The following PRKG1 variants were observed in gnomAD, a reference collection of about 807,000 sequenced individuals.
The protein encoded by PRKG1 is protein kinase cGMP-dependent 1.
In PRKG1, 35 loss-of-function variants were observed where a neutral mutation model predicts 88.1. The observed-to-expected ratio is 0.40, with a 90% CI of 0.30 to 0.53. The LOEUF (loss-of-function observed/expected upper bound fraction) is 0.53. Among genes scored for constraint, PRKG1 ranks in the 20% least tolerant of loss-of-function variants. The probability of loss-of-function intolerance (pLI) is 0.59; values close to 1 mark genes in which losing one functional copy is unlikely to be tolerated. For synonymous variants in PRKG1, 303 were observed against 292.5 expected (o/e 1.04, Z -0.37); for missense variants, 540 against 839.8 (o/e 0.64, Z 4.41).
chr10:51,946,843 A>G (rs1272058884), intron 5 of PRKG1, among the ~76,000 whole-genome samples: 1 of 151,948 alleles, frequency 6.6e-6, no homozygotes, highest in African/African-American at 2.4e-5. Flanking sequence ...AGGAGTACCC[A>G]GCCGTGTGAG....
intron 17 of PRKG1, 83 bp downstream of exon 17, chr10:52,290,373 T>C (rs1317662386): frequency 4.2e-6 from 5 of 1,183,110 alleles, no homozygotes; most frequent in Non-Finnish European, 6.0e-6. Context: ...ATTTTTAAAG[T>C]TTAATCCTAT....
At chr10:51,588,205 C>G (rs1838220354) in intron 3 of PRKG1, among the ~76,000 whole-genome samples, 1 of 152,066 alleles carries the variant, frequency 6.6e-6, no homozygotes, top group South Asian at 2.1e-4. Flanking sequence ...ATTGAGTATA[C>G]AGTGCACATT....
chr10:51,351,280 G>C (rs1842238629), intron 2 of PRKG1, among the ~76,000 whole-genome samples: 1 of 152,178 alleles, frequency 6.6e-6, no homozygotes, highest in Admixed American at 6.5e-5. Context: ...ACCCAGTAAT[G>C]GGATTGCTGG....
intron 2 of PRKG1, among the ~76,000 whole-genome samples, chr10:51,296,993 A>T (rs1023842085): frequency 6.6e-6 from 1 of 152,030 alleles, no homozygotes; most frequent in African/African-American, 2.4e-5. Flanking sequence ...TCCTTTTGGG[A>T]GGATATTCCT....
intron 3 of PRKG1, among the ~76,000 whole-genome samples, chr10:51,703,458 A>G (rs1231386284): frequency 6.6e-6 from 1 of 152,136 alleles, no homozygotes; most frequent in South Asian, 2.1e-4. Flanking sequence ...TTTTCTTTGG[A>G]TATAAACCTT....
intron 2 of PRKG1, among the ~76,000 whole-genome samples, chr10:51,459,727 G>A (rs1197279373): frequency 1.3e-5 from 2 of 152,142 alleles, no homozygotes; most frequent in African/African-American, 2.4e-5. Context: ...TCAAGTATGT[G>A]TGGAGAAAGG....
At chr10:52,293,164 G>C (rs188213090) in intron 17 of PRKG1, among the ~76,000 whole-genome samples, 3,279 of 150,392 alleles carry the variant, frequency 0.022, 49 homozygotes, top group Non-Finnish European at 0.034. Flanking sequence ...ATTCACAATT[G>C]CTTCAAAGAG....
intron 5 of PRKG1, among the ~76,000 whole-genome samples, chr10:52,050,986 A>C (rs1845974894): frequency 2.0e-5 from 3 of 152,172 alleles, no homozygotes; most frequent in African/African-American, 7.2e-5. Context: ...TGCTACTAGC[A>C]TCTAGTTGGA....
intron 4 of PRKG1, among the ~76,000 whole-genome samples, chr10:51,858,379 A>AAT (rs1234442573): frequency 9.0e-5 from 2 of 22,210 alleles, no homozygotes; most frequent in East Asian, 1.1e-3. Flanking sequence ...ATATATATAA[A>AAT]ATATATATAT....
intron 3 of PRKG1, among the ~76,000 whole-genome samples, chr10:51,495,716 G>A (rs1361119539): frequency 2.0e-5 from 3 of 152,146 alleles, no homozygotes; most frequent in Non-Finnish European, 4.4e-5. Flanking sequence ...AAACATTAAT[G>A]CAAGACTTTG....
intron 14 of PRKG1, among the ~76,000 whole-genome samples, chr10:52,285,905 G>GA (rs760129792): frequency 4.6e-4 from 70 of 151,744 alleles, no homozygotes; most frequent in Non-Finnish European, 8.4e-4. Context: ...AATGAAAAAA[G>GA]AAAAAATACA....
intron 3 of PRKG1, among the ~76,000 whole-genome samples, chr10:51,515,435 C>T (rs1266930691): frequency 2.0e-5 from 3 of 152,122 alleles, no homozygotes; most frequent in African/African-American, 7.2e-5. Context: ...TAATATAATT[C>T]ATGGTTGTGT....
chr10:51,247,938 T>C (rs1385450316), intron 2 of PRKG1, among the ~76,000 whole-genome samples: 1 of 151,970 alleles, frequency 6.6e-6, no homozygotes, highest in East Asian at 1.9e-4. Flanking sequence ...AACTCTCTCA[T>C]GTAATCTTCA....
chr10:51,675,630 T>C (rs1365734720), intron 3 of PRKG1, among the ~76,000 whole-genome samples: 2 of 152,220 alleles, frequency 1.3e-5, no homozygotes. Context: ...CTACCCAAAG[T>C]GTTTCCAGTC....
intron 2 of PRKG1, among the ~76,000 whole-genome samples, chr10:51,458,083 G>A (rs181523234): frequency 1.2e-4 from 18 of 152,254 alleles, no homozygotes; most frequent in Non-Finnish European, 5.9e-5. Context: ...TTAAAACAAT[G>A]TGCAGGTAGA....
chr10:52,010,859 C>A (rs1216074642), intron 5 of PRKG1, among the ~76,000 whole-genome samples: 1 of 152,166 alleles, frequency 6.6e-6, no homozygotes, highest in Non-Finnish European at 1.5e-5. Context: ...AATGAGTACT[C>A]CAGAAAGAAA....
intron 3 of PRKG1, among the ~76,000 whole-genome samples, chr10:51,481,406 C>T (rs958607740): frequency 6.6e-6 from 1 of 152,026 alleles, no homozygotes; most frequent in East Asian, 1.9e-4. Flanking sequence ...CACCACCATG[C>T]CCAGCTAATT....
intron 5 of PRKG1, among the ~76,000 whole-genome samples, chr10:51,911,930 A>T (rs556466881): frequency 1.1e-4 from 16 of 152,228 alleles, no homozygotes; most frequent in Non-Finnish European, 2.4e-4. Context: ...ATATTTATGG[A>T]GCACTTGCCA....
intron 3 of PRKG1, among the ~76,000 whole-genome samples, chr10:51,662,382 TA>T (rs1840321761): frequency 6.6e-6 from 1 of 152,138 alleles, no homozygotes; most frequent in Non-Finnish European, 1.5e-5. Context: ...GGATAAAAGA[TA>T]AAAGTAATCC....
Sources: gnomAD v4.1 joint callset for allele counts (sites outside exome capture counted in the v4.1 genomes callset) on GRCh38, gnomAD v4.1.1 for gene constraint, MANE v1.5 for transcripts, NCBI Gene and HGNC (gene_info 2026-07-23, HGNC 2026-07-21) for gene names.